The following PCDH17 variants were observed in gnomAD, a reference collection of about 807,000 sequenced individuals.
PCDH17 encodes protocadherin-17.
Under a neutral mutation model 67.7 loss-of-function variants are expected in PCDH17, and 21 were observed. The observed-to-expected ratio is 0.31, with a 90% CI of 0.22 to 0.45. The LOEUF (loss-of-function observed/expected upper bound fraction) is 0.45. Ranked by LOEUF, PCDH17 falls within the 20% of genes least tolerant of loss-of-function variation. The pLI is 1.00. For missense variants in PCDH17, 1,471 were observed against 1,564.8 expected (o/e 0.94, Z 1.01); for synonymous variants, 701 against 656.7 (o/e 1.07, Z -1.03).
At chr13:57,698,816 T>C (rs923602663) in intron 3 of PCDH17, among the ~76,000 whole-genome samples, 8 of 151,950 alleles carry the variant, frequency 5.3e-5, no homozygotes, top group African/African-American at 1.9e-4. Flanking sequence ...ACCTTAACAT[T>C]AGGTAGCATA....
At position 57,633,619 on chromosome 13, in the gene PCDH17, A is replaced by C. The variant is rs747429610; in HGVS notation, c.1073A>C (p.Gln358Pro). 4.3e-6 allele frequency: 7 copies of C among 1,611,354 alleles called. No individual in the cohort carries two copies. The highest frequency in any genetic ancestry group is 1.7e-5 in the Admixed American group (1 of 60,032). ...TCCATCGGTTTCGTCTCCGTGCGCC[A>C]GGGGGCGCTGAGCGAGGCCGCCCCT... is the stretch of plus-strand genomic sequence containing the variant. ...APSIGFVSVRQGALSEAAPPG... is the reference protein window; with the variant it reads ...APSIGFVSVRPGALSEAAPPG... Residue 358 changes from glutamine to proline, a missense_variant, in exon 1 of 4, where the codon CAG (glutamine) becomes CCG (proline). Gln to Pro is a moderately conservative substitution (Grantham distance 76). Transcript: ENST00000377918. This position sits in a 1 kb window ranked among gnomAD's most constrained non-coding sequence, Gnocchi z 6.2.
chr13:57,669,941 A>T (rs1364364273), intron 3 of PCDH17, among the ~76,000 whole-genome samples: 1 of 152,058 alleles, frequency 6.6e-6, no homozygotes, highest in Non-Finnish European at 1.5e-5. Flanking sequence ...GAACTACTGT[A>T]TTTTGTTCAG....
At chr13:57,663,444 C>T (rs1444314233) in intron 1 of PCDH17, among the ~76,000 whole-genome samples, 1 of 152,038 alleles carries the variant, frequency 6.6e-6, no homozygotes, top group Non-Finnish European at 1.5e-5. Flanking sequence ...TATCTGAATA[C>T]TCTTATACTT....
chr13:57,660,107 A>AT (rs1955165628), intron 1 of PCDH17, among the ~76,000 whole-genome samples: 1 of 152,142 alleles, frequency 6.6e-6, no homozygotes, highest in African/African-American at 2.4e-5. Flanking sequence ...GATAGCCGCC[A>AT]TGTTGGCGCA....
intron 3 of PCDH17, among the ~76,000 whole-genome samples, chr13:57,722,845 G>A (rs1441949733): frequency 6.6e-6 from 1 of 152,126 alleles, no homozygotes; most frequent in East Asian, 1.9e-4. Flanking sequence ...CTGGGCTCAA[G>A]CAATCCTCCT....
intron 1 of PCDH17, among the ~76,000 whole-genome samples, chr13:57,656,236 AT>A (rs992427462): frequency 3.3e-5 from 5 of 152,178 alleles, no homozygotes; most frequent in Non-Finnish European, 5.9e-5. Flanking sequence ...CATTATAAAC[AT>A]GCATTTAGAC....
chr13:57,698,260 TAG>T (rs1357418198), intron 3 of PCDH17, among the ~76,000 whole-genome samples: 54 of 151,550 alleles, frequency 3.6e-4, no homozygotes, highest in Non-Finnish European at 5.6e-4. Flanking sequence ...CACACACACA[TAG>T]AGTTTGTCTT....
At chr13:57,635,857 C>T (rs557225916) in intron 1 of PCDH17, among the ~76,000 whole-genome samples, 2 of 152,046 alleles carry the variant, frequency 1.3e-5, no homozygotes, top group African/African-American at 2.4e-5. Context: ...CTGTGGTTAC[C>T]GTGATCTGTT....
chr13:57,711,891 T>C (rs1955780219), intron 3 of PCDH17, among the ~76,000 whole-genome samples: 1 of 151,442 alleles, frequency 6.6e-6, no homozygotes, highest in South Asian at 2.1e-4. Flanking sequence ...GGATGTATAC[T>C]TTTTAATAAA....
At chr13:57,713,122 A>G (rs929072493) in intron 3 of PCDH17, among the ~76,000 whole-genome samples, 2 of 151,600 alleles carry the variant, frequency 1.3e-5, no homozygotes, top group Non-Finnish European at 3.0e-5. Flanking sequence ...AAAGAGCCAC[A>G]TCTCCTCTCT....
Position 57,632,663 on chromosome 13 carries a change from C to G in PCDH17, c.117C>G (p.Gly39=). ...QGAGTVIGNI[G]RDARLQPGLP... ...CCGGCACGGTGATCGGGAACATCGG[C>G]AGGGATGCTCGACTGCAGCCTGGGC... The change falls in exon 1 of 4, where the codon GGC becomes GGG. Residue 39 remains glycine (G), a synonymous_variant. Coordinates refer to ENST00000377918, the MANE Select transcript of PCDH17 (RefSeq NM_001040429.3). 1 of 1,612,204 alleles carries G rather than the reference C, an allele frequency of 6.2e-7. No homozygotes were observed. Among genetic ancestry groups the G allele is most frequent in the Non-Finnish European group, 8.5e-7 (1 of 1,179,938 alleles).
intron 3 of PCDH17, among the ~76,000 whole-genome samples, chr13:57,675,027 G>A (rs946525860): frequency 4.0e-5 from 6 of 151,772 alleles, no homozygotes; most frequent in East Asian, 2.0e-4. Context: ...AGCCATTCCC[G>A]TAACACACAA....
At chr13:57,686,376 G>A (rs1169640544) in intron 3 of PCDH17, among the ~76,000 whole-genome samples, 2 of 151,934 alleles carry the variant, frequency 1.3e-5, no homozygotes, top group African/African-American at 4.8e-5. Context: ...CATTTTTAAT[G>A]ATCAGTAGGA....
chr13:57,681,687 G>A (rs1281681561), intron 3 of PCDH17, among the ~76,000 whole-genome samples: 1 of 151,562 alleles, frequency 6.6e-6, no homozygotes, highest in Non-Finnish European at 1.5e-5. Context: ...TTATATATGA[G>A]GCTTAGCTTA....
chr13:57,714,083 A>C (rs1351207609), intron 3 of PCDH17, among the ~76,000 whole-genome samples: 1 of 151,642 alleles, frequency 6.6e-6, no homozygotes, highest in Non-Finnish European at 1.5e-5. Context: ...TATTAAAAAC[A>C]TTCTTTAAAA....
intron 1 of PCDH17, among the ~76,000 whole-genome samples, chr13:57,653,824 G>T (rs1955071199): frequency 6.6e-6 from 1 of 152,120 alleles, no homozygotes; most frequent in African/African-American, 2.4e-5. Context: ...AGCTTCATGT[G>T]TCGAAATGCA....
intron 3 of PCDH17, among the ~76,000 whole-genome samples, chr13:57,686,667 A>G (rs1955510690): frequency 6.6e-6 from 1 of 151,992 alleles, no homozygotes; most frequent in Non-Finnish European, 1.5e-5. Context: ...TAATTTAGAG[A>G]AGAGATATAA....
At chr13:57,684,246 A>G (rs1285138536) in intron 3 of PCDH17, among the ~76,000 whole-genome samples, 1 of 151,818 alleles carries the variant, frequency 6.6e-6, no homozygotes, top group Non-Finnish European at 1.5e-5. Flanking sequence ...CTCCTCCTAG[A>G]TTTGTTCTTA....
intron 3 of PCDH17, among the ~76,000 whole-genome samples, chr13:57,696,984 T>A (rs1955615910): frequency 6.6e-6 from 1 of 151,382 alleles, no homozygotes; most frequent in Non-Finnish European, 1.5e-5. Context: ...TAATTCTTAA[T>A]TTTTTTTGTA....
Sources: gnomAD v4.1 joint callset for allele counts (sites outside exome capture counted in the v4.1 genomes callset) on GRCh38, gnomAD v4.1.1 for gene constraint, Gnocchi (gnomAD v3.1) non-coding constraint, MANE v1.5 for transcripts, NCBI Gene and HGNC (gene_info 2026-07-23, HGNC 2026-07-21) for gene names.